The following LIMCH1 variants were observed in gnomAD, a reference collection of about 807,000 sequenced individuals.
LIMCH1 encodes LIM and calponin homology domains 1.
A neutral mutation model predicts 176.5 loss-of-function variants in LIMCH1; 113 were observed. The observed-to-expected ratio is 0.64, with a 90% CI of 0.55 to 0.75. LIMCH1 has a LOEUF of 0.75. Among genes scored for constraint, LIMCH1 ranks in the 30% least tolerant of loss-of-function variants. The probability of loss-of-function intolerance (pLI) is 0.00; values close to 1 mark genes in which losing one functional copy is unlikely to be tolerated. For missense variants in LIMCH1, 1,674 were observed against 1,814.9 expected, an observed-to-expected ratio of 0.92 and a Z score of 1.41; for synonymous variants, 619 against 645.9, an observed-to-expected ratio of 0.96 and a Z score of 0.63.
intron 1 of LIMCH1, among the ~76,000 whole-genome samples, chr4:41,436,099 A>G (rs1036571240): frequency 1.3e-5 from 2 of 152,192 alleles, no homozygotes; most frequent in Non-Finnish European, 2.9e-5. Context: ...GAGCCATAAG[A>G]AAATCTCTTT....
chr4:41,637,523 C>T (rs751432688), intron 13 of LIMCH1, among the ~76,000 whole-genome samples: 55 of 152,228 alleles, frequency 3.6e-4, no homozygotes, highest in Non-Finnish European at 4.0e-4. Flanking sequence ...CACTTGTCAT[C>T]TGCTTCAATG....
In LIMCH1 at chr4:41,626,972, A is replaced by G; in HGVS notation, c.990A>G (p.Ser330=). ...AATCAGATGGCAGCAAACAGCTCTCAAAGGGAATCTCAAAAAAAAGAAGTC... is the reference window on the plus strand; with the variant it reads ...AATCAGATGGCAGCAAACAGCTCTCGAAGGGAATCTCAAAAAAAAGAAGTC... ...AEKSDGSKQL[S]KGISKKRSLE... Residue 330 remains serine, a synonymous_variant, in exon 8 of 32, where the codon TCA becomes TCG. Transcript: ENST00000503057. The G allele has an allele frequency of 2.0e-6, 3 of 1,535,760 alleles. No homozygotes were observed. The highest frequency in any genetic ancestry group is 2.6e-6 in the Non-Finnish European group (3 of 1,146,826).
intron 30 of LIMCH1, among the ~76,000 whole-genome samples, chr4:41,690,042 TTGTC>T (rs937235229): frequency 1.3e-5 from 2 of 152,158 alleles, no homozygotes; most frequent in Non-Finnish European, 2.9e-5. Flanking sequence ...TAGTGGAAAA[TTGTC>T]TGTCAATTAA....
At chr4:41,410,737 G>C in intron 1 of LIMCH1, among the ~76,000 whole-genome samples, 1 of 152,228 alleles carries the variant, frequency 6.6e-6, no homozygotes, top group East Asian at 1.9e-4. Context: ...TAATTTGTGT[G>C]CTGCTGTTTC....
At chr4:41,390,999 G>A (rs887210851) in intron 1 of LIMCH1, among the ~76,000 whole-genome samples, 2 of 152,102 alleles carry the variant, frequency 1.3e-5, no homozygotes, top group Non-Finnish European at 2.9e-5. Flanking sequence ...GGAAGAACTC[G>A]GGAGCAATTA....
chr4:41,592,605 A>T (rs1239196112), intron 1 of LIMCH1, among the ~76,000 whole-genome samples: 3 of 152,134 alleles, frequency 2.0e-5, no homozygotes, highest in African/African-American at 7.2e-5. Flanking sequence ...AGAATGTCTT[A>T]ATAATAACTC....
upstream of LIMCH1, among the ~76,000 whole-genome samples, chr4:41,535,180 A>AAAAG (rs2077763013): frequency 2.1e-5 from 3 of 142,386 alleles, no homozygotes; most frequent in Admixed American, 2.2e-4. Context: ...AAAAAAAAAA[A>AAAAG]AAAAGAAAAG....
At chr4:41,637,062 C>G (rs556816444) in intron 13 of LIMCH1, among the ~76,000 whole-genome samples, 4 of 152,346 alleles carry the variant, frequency 2.6e-5, no homozygotes, top group Admixed American at 6.5e-5. Context: ...ATTCTCTGCT[C>G]TCTTCCATAG....
intron 23 of LIMCH1, among the ~76,000 whole-genome samples, chr4:41,679,362 T>C (rs994745081): frequency 1.3e-5 from 2 of 152,166 alleles, no homozygotes; most frequent in Non-Finnish European, 2.9e-5. Context: ...AGTGTGTTCT[T>C]TTTTCCCCCC....
chr4:41,488,866 T>C (rs1363782578), intron 1 of LIMCH1, among the ~76,000 whole-genome samples: 2 of 152,200 alleles, frequency 1.3e-5, no homozygotes, highest in Non-Finnish European at 2.9e-5. Context: ...TATTCTTTCC[T>C]TTTCAATTAT....
chr4:41,654,741 G>A (rs2094415635), intron 18 of LIMCH1, among the ~76,000 whole-genome samples: 1 of 152,092 alleles, frequency 6.6e-6, no homozygotes, highest in Non-Finnish European at 1.5e-5. Flanking sequence ...CATGGACAAT[G>A]GTGAGGAGCC....
Position 41,682,405 on chromosome 4 carries a change from G to T in LIMCH1, c.3790G>T (p.Asp1264Tyr). 6.2e-7 allele frequency: 1 copy of T among 1,613,330 alleles called. No homozygotes were observed. Among genetic ancestry groups the T allele is most frequent in the Non-Finnish European group, 8.5e-7 (1 of 1,179,454 alleles). Residue 1264 changes from aspartate to tyrosine, a missense_variant, in exon 26 of 32, where the codon GAC (aspartate) becomes TAC (tyrosine). Transcript: ENST00000503057. ...RRWKKSFQGD[D>Y]SDLLLKTRES... ...ATGGAAGAAATCATTCCAGGGAGAT[G>T]ACAGTGACTTATTGCTGAAGACTAG...
At chr4:41,378,503 T>G (rs2154101553) in intron 1 of LIMCH1, among the ~76,000 whole-genome samples, 1 of 152,354 alleles carries the variant, frequency 6.6e-6, no homozygotes, top group South Asian at 2.1e-4. Flanking sequence ...TTAGTATTTT[T>G]TAATGGAGTT....
intron 1 of LIMCH1, among the ~76,000 whole-genome samples, chr4:41,542,633 C>T (rs1035555015): frequency 6.6e-6 from 1 of 152,098 alleles, no homozygotes; most frequent in African/African-American, 2.4e-5. Context: ...GACCCATTTT[C>T]CTTGCTTCTG....
At chr4:41,522,310 G>A (rs929407848) in intron 2 of LIMCH1, among the ~76,000 whole-genome samples, 1 of 152,044 alleles carries the variant, frequency 6.6e-6, no homozygotes, top group African/African-American at 2.4e-5. Flanking sequence ...AAAAAACAAG[G>A]TGTAGGACAG....
At chr4:41,647,061 C>T (rs1450540387) in intron 17 of LIMCH1, among the ~76,000 whole-genome samples, 168 bp downstream of exon 17, 1 of 152,134 alleles carries the variant, frequency 6.6e-6, no homozygotes, top group African/African-American at 2.4e-5. Flanking sequence ...TTTGTAAATG[C>T]TTCAGGGACA....
At chr4:41,614,609 G>A (rs750190452) in intron 5 of LIMCH1, among the ~76,000 whole-genome samples, 85 of 152,134 alleles carry the variant, frequency 5.6e-4, no homozygotes, top group South Asian at 1.0e-3. Context: ...ATTCTGTTAC[G>A]AAAATACTTG....
chr4:41,379,758 T>C (rs1316384923), intron 1 of LIMCH1, among the ~76,000 whole-genome samples: 2 of 152,212 alleles, frequency 1.3e-5, no homozygotes, highest in Non-Finnish European at 2.9e-5. Flanking sequence ...TCTCTAGATA[T>C]ATTTTCCAAA....
intron 1 of LIMCH1, among the ~76,000 whole-genome samples, chr4:41,479,433 T>C (rs1359583559): frequency 1.3e-5 from 2 of 152,120 alleles, no homozygotes; most frequent in African/African-American, 2.4e-5. Flanking sequence ...TTTTGTTTTT[T>C]TATAGAGGTG....
Sources: allele counts gnomAD v4.1 joint callset (sites outside exome capture counted in the v4.1 genomes callset), GRCh38; gene constraint gnomAD v4.1.1; transcripts MANE v1.5; gene names NCBI Gene and HGNC (gene_info 2026-07-23, HGNC 2026-07-21).